CECR2: variants seen among roughly 807,000 people sequenced by gnomAD.
The protein encoded by CECR2 is CECR2 histone acetyl-lysine reader.
Under a neutral mutation model 154.5 loss-of-function variants are expected in CECR2, and 30 were observed. The observed-to-expected ratio is 0.19, with a 90% CI of 0.15 to 0.26. CECR2 has a LOEUF of 0.26. CECR2 is among the 10% of genes least tolerant of loss of function. The pLI, the probability that CECR2 is intolerant of heterozygous loss-of-function variation, is 1.00. For synonymous variants in CECR2, 725 were observed against 683.7 expected (o/e 1.06, Z -0.94); for missense variants, 1,743 against 1,829.3 (o/e 0.95, Z 0.86).
intron 1 of CECR2, among the ~76,000 whole-genome samples, chr22:17,375,975 AT>A (rs1277197987): frequency 5.9e-5 from 9 of 151,866 alleles, no homozygotes; most frequent in East Asian, 3.9e-4. Flanking sequence ...AAAAAAAAAA[AT>A]AGTCCTTTGT....
Position 17,511,898 on chromosome 22 carries a change from T to A in CECR2, c.954+2T>A. ...TCCATCAAACCCGTCAAGCAAGAGG[T>A]GAGTGTGGGTGAGAGTAGCGAGGAG... On this transcript the variant is annotated splice_donor_variant, in intron 8 of 18. Coordinates refer to ENST00000262608, the MANE Select transcript of CECR2 (RefSeq NM_001290047.2). LOFTEE classifies it high-confidence loss of function. The A allele has an allele frequency of 6.2e-7, 1 of 1,606,662 alleles. No individual in the cohort carries two copies. The highest frequency in any genetic ancestry group is 8.5e-7 in the Non-Finnish European group (1 of 1,175,480).
chr22:17,416,995 A>G (rs2054165346), intron 1 of CECR2, among the ~76,000 whole-genome samples: 1 of 151,308 alleles, frequency 6.6e-6, no homozygotes, highest in East Asian at 1.9e-4. Context: ...CTTGATACGT[A>G]TATCACATCA....
Position 17,552,114 on chromosome 22 carries a change from A to G in CECR2, c.4361A>G (p.His1454Arg). ...ACATCACAGGAGGAGGTGCCGCCTC[A>G]TAAGCCTCCAACACTTCCCCTGGAT... is the stretch of plus-strand genomic sequence containing the variant. ...AATSQEEVPPHKPPTLPLDQS is the reference protein window; with the variant it reads ...AATSQEEVPPRKPPTLPLDQS The change falls in exon 18 of 19, where the codon CAT becomes CGT. Residue 1454 changes from histidine (H) to arginine (R), a missense_variant. This residue lies in a region of CECR2 where 1,250 missense variants were observed against 1,192.1 expected (regional missense o/e 1.05). Transcript: ENST00000262608. 1 of 1,613,972 alleles carries G rather than the reference A, an allele frequency of 6.2e-7. No homozygotes were observed. The highest frequency in any genetic ancestry group is 8.5e-7 in the Non-Finnish European group (1 of 1,179,884).
At position 17,419,645 on chromosome 22, in the gene CECR2, A is replaced by T. The variant is rs138563498; in HGVS notation, c.126+49736A>T. The T allele has an allele frequency of 8.5e-3, 2,802 of 327,772 alleles. 26 individuals are homozygous for T. Among genetic ancestry groups the T allele is most frequent in the Non-Finnish European group, 9.5e-3 (1,542 of 162,374 alleles). The allele number at this position is 327,772 out of a possible 1,614,324, so 20.3% of individuals were successfully genotyped here. ...TATGATGATTCCGCAGTTAATGGAG[A>T]AGTTTAACTTGGATCTATCAACAGT... is the stretch of plus-strand genomic sequence containing the variant. On this transcript the variant is annotated intron_variant, in intron 1 of 18. Transcript: ENST00000262608.
In CECR2 at chr22:17,552,986, C is replaced by T; in HGVS notation, c.*146C>T. ...CACTCGTGCCATACTTGAGCTGGAG[C>T]CAGTCACGGGCCCTAAAAGGACACT... On this transcript the variant is annotated 3_prime_UTR_variant, in exon 19 of 19. Transcript: ENST00000262608. 6.8e-7 allele frequency: 1 copy of T among 1,468,648 alleles called. No individual in the cohort carries two copies. The highest frequency in any genetic ancestry group is 1.4e-5 in the South Asian group (1 of 71,554). The allele number at this position is 1,468,648 out of a possible 1,614,324, so 91.0% of individuals were successfully genotyped here. A position where few individuals can be genotyped will look rare whatever the true frequency, so the allele number is the denominator to read the frequency against.
rs568479457 is a variant in CECR2 at position 17,465,057 on chromosome 22, C to T, written c.127-12531C>T. Among the ~76,000 whole-genome samples the T allele has an allele frequency of 4.1e-5, 6 of 145,880 alleles. No individual in the cohort carries two copies. In the East Asian group the frequency reaches 6.1e-4, roughly 15 times the overall value. On this transcript the variant is annotated intron_variant, in intron 1 of 18. Coordinates refer to ENST00000262608, the MANE Select transcript of CECR2 (RefSeq NM_001290047.2). ...TGTCGCCCAGGCTGGAGTGCAGTGG[C>T]GCGATCTCAGCTCACTGCAAGCCCC...
Position 17,427,807 on chromosome 22 carries a change from C to G in CECR2, c.127-49781C>G, listed in dbSNP as rs2054354921. 2.0e-5 allele frequency among the ~76,000 whole-genome samples: 3 copies of G among 152,072 alleles called. No individual in the cohort carries two copies. The South Asian group carries it at 6.2e-4, about 32-fold the overall frequency. On this transcript the variant is annotated intron_variant, in intron 1 of 18. Coordinates refer to ENST00000262608, the MANE Select transcript of CECR2 (RefSeq NM_001290047.2). Reference sequence around the variant, plus strand: ...GATTGGTGCATTTACAATCCTCTAGCTAGACAGAAGTTTTCCAAGTCCCCA... The same window carrying G: ...GATTGGTGCATTTACAATCCTCTAGGTAGACAGAAGTTTTCCAAGTCCCCA...
At chr22:17,447,228 C>T (rs960535412) in intron 1 of CECR2, among the ~76,000 whole-genome samples, 1 of 150,986 alleles carries the variant, frequency 6.6e-6, no homozygotes, top group Non-Finnish European at 1.5e-5. Flanking sequence ...GTAGACGGGA[C>T]TGCAAGCTCC....
intron 9 of CECR2, 120 bp downstream of exon 9, chr22:17,524,391 T>C (rs1272986128): frequency 3.9e-5 from 33 of 854,664 alleles, no homozygotes; most frequent in African/African-American, 3.5e-4. Context: ...CAATTTCTTT[T>C]TTTTTTTTTT....
At chr22:17,370,274 C>T (rs1425818725) in intron 1 of CECR2, among the ~76,000 whole-genome samples, 3 of 136,920 alleles carry the variant, frequency 2.2e-5, no homozygotes, top group Non-Finnish European at 3.1e-5. Context: ...GCTCGCCGCC[C>T]GGTGCCATTG....
chr22:17,383,657 C>CTT (rs57665657), intron 1 of CECR2, among the ~76,000 whole-genome samples: 15,318 of 104,194 alleles, frequency 0.15, 1,796 homozygotes, highest in African/African-American at 0.18. Context: ...TTCAGGTCCA[C>CTT]TTTTTTTTTT....
intron 1 of CECR2, among the ~76,000 whole-genome samples, chr22:17,473,810 C>T (rs2055166683): frequency 6.6e-6 from 1 of 152,208 alleles, no homozygotes; most frequent in Non-Finnish European, 1.5e-5. Flanking sequence ...ACTGTTTCGT[C>T]TTCCAAATGC....
In CECR2 at chr22:17,381,294, A is replaced by G. The variant is rs529117980; in HGVS notation, c.126+11385A>G. Among the ~76,000 whole-genome samples, 95 of 152,184 alleles carry G rather than the reference A, an allele frequency of 6.2e-4. 1 individual carries two copies. Among genetic ancestry groups the G allele is most frequent in the Non-Finnish European group, 1.0e-3 (71 of 68,038 alleles). On this transcript the variant is annotated intron_variant, in intron 1 of 18. Coordinates refer to ENST00000262608, the MANE Select transcript of CECR2 (RefSeq NM_001290047.2). ...CTTTGTGGTGTTAAAGCAGCCCCCC[A>G]GCCCTCCTTACAGGAATGTTGAAGA...
In CECR2 at chr22:17,373,522, T is replaced by C. The variant is rs550987046; in HGVS notation, c.126+3613T>C. 2.6e-5 allele frequency among the ~76,000 whole-genome samples: 4 copies of C among 152,324 alleles called. No homozygotes were observed. The South Asian group carries it at 6.2e-4, about 24-fold the overall frequency. ...GTATCCTTCCACTCAGGGATAAAAG[T>C]GATTCACTGTTAACATACTTAGAAA... is the stretch of plus-strand genomic sequence containing the variant. On this transcript the variant is annotated intron_variant, in intron 1 of 18. Coordinates refer to ENST00000262608, the MANE Select transcript of CECR2 (RefSeq NM_001290047.2).
intron 1 of CECR2, chr22:17,419,546 A>AGAGGAG (rs202213584): frequency 1.0e-4 from 20 of 196,558 alleles, no homozygotes; most frequent in African/African-American, 4.5e-4. Context: ...AGGAAGAGGA[A>AGAGGAG]GAGGAGGAGG....
chr22:17,432,732 C>T (rs2054444839), intron 1 of CECR2, among the ~76,000 whole-genome samples: 1 of 152,164 alleles, frequency 6.6e-6, no homozygotes, highest in African/African-American at 2.4e-5. Flanking sequence ...AACTCCTGAG[C>T]TCAAGCAACC....
intron 6 of CECR2, among the ~76,000 whole-genome samples, chr22:17,504,075 T>TAAATAAAA (rs879844244): frequency 2.0e-5 from 3 of 149,820 alleles, no homozygotes; most frequent in South Asian, 2.1e-4. Flanking sequence ...AATAAATAAA[T>TAAATAAAA]AAAATTTAAA....
intron 1 of CECR2, among the ~76,000 whole-genome samples, chr22:17,414,182 C>A (rs566392766): frequency 7.9e-5 from 12 of 151,862 alleles, no homozygotes; most frequent in South Asian, 2.1e-4. Flanking sequence ...CTGTGTTAGC[C>A]AGGATGGTCT....
intron 2 of CECR2, among the ~76,000 whole-genome samples, chr22:17,480,927 C>T (rs1308669704): frequency 6.6e-6 from 1 of 151,692 alleles, no homozygotes; most frequent in Non-Finnish European, 1.5e-5. Context: ...GTAGTCCCAG[C>T]TACTCAGGAG....
Sources: gnomAD v4.1 joint callset for allele counts (sites outside exome capture counted in the v4.1 genomes callset) on GRCh38, gnomAD v4.1.1 for gene constraint, gnomAD v4.1.1 regional missense constraint, MANE v1.5 for transcripts, NCBI Gene and HGNC (gene_info 2026-07-23, HGNC 2026-07-21) for gene names.